The following PPP3CA variants were observed in gnomAD, a reference collection of about 807,000 sequenced individuals.
The protein encoded by PPP3CA is CAM-PRP catalytic subunit.
PPP3CA carries 14 observed loss-of-function variants against 66.5 expected under a neutral mutation model. The ratio of observed to expected loss-of-function variants is 0.21; its 90% CI spans 0.14 to 0.33. The LOEUF is 0.33. Among genes scored for constraint, PPP3CA ranks in the 10% least tolerant of loss-of-function variants. The pLI is 1.00. For synonymous variants in PPP3CA, 232 were observed against 226.2 expected (o/e 1.03, Z -0.23); for missense variants, 317 against 639.5 (o/e 0.50, Z 5.44).
At chr4:101,081,327 T>C (rs1289524154) in intron 7 of PPP3CA, among the ~76,000 whole-genome samples, 1 of 152,180 alleles carries the variant, frequency 6.6e-6, no homozygotes, top group Non-Finnish European at 1.5e-5. Context: ...CAATCTCTGC[T>C]GGTGTCTACA....
At chr4:101,188,792 T>C (rs540835711) in intron 2 of PPP3CA, among the ~76,000 whole-genome samples, 1 of 152,194 alleles carries the variant, frequency 6.6e-6, no homozygotes, top group Non-Finnish European at 1.5e-5. Flanking sequence ...AGGAGAAGAA[T>C]AGCTATCTGA....
intron 2 of PPP3CA, chr4:101,171,210 G>A (rs1412801559): frequency 2.2e-6 from 1 of 455,840 alleles, no homozygotes. Flanking sequence ...TGTGAATCGG[G>A]GTCATCTGTG....
At chr4:101,146,775 C>A (rs182344393) in intron 2 of PPP3CA, among the ~76,000 whole-genome samples, 1 of 152,216 alleles carries the variant, frequency 6.6e-6, no homozygotes, top group African/African-American at 2.4e-5. Flanking sequence ...TACTATCTAC[C>A]AGGCACTGTT....
At chr4:101,119,502 A>T (rs1465417366) in intron 2 of PPP3CA, among the ~76,000 whole-genome samples, 1 of 152,138 alleles carries the variant, frequency 6.6e-6, no homozygotes, top group Middle Eastern at 3.4e-3. Context: ...GGATTTTTTG[A>T]AAAAACAAAA....
intron 8 of PPP3CA, among the ~76,000 whole-genome samples, chr4:101,065,299 C>T (rs2110228069): frequency 6.6e-6 from 1 of 152,184 alleles, no homozygotes; most frequent in South Asian, 2.1e-4. Flanking sequence ...TTTACTATTT[C>T]AGAACACTGA....
intron 2 of PPP3CA, among the ~76,000 whole-genome samples, chr4:101,164,562 G>GT (rs36078367): frequency 0.28 from 39,145 of 142,012 alleles, 5,828 homozygotes; most frequent in African/African-American, 0.39. Context: ...TGGGATTTAA[G>GT]TTTTTTTTTT....
At chr4:101,301,165 C>T (rs1728363085) in intron 1 of PPP3CA, among the ~76,000 whole-genome samples, 1 of 151,800 alleles carries the variant, frequency 6.6e-6, no homozygotes, top group African/African-American at 2.4e-5. Flanking sequence ...TATAAAATGA[C>T]TCATTTATAT....
intron 2 of PPP3CA, among the ~76,000 whole-genome samples, chr4:101,110,160 G>A (rs1721622257): frequency 1.3e-5 from 2 of 152,152 alleles, no homozygotes; most frequent in African/African-American, 4.8e-5. Flanking sequence ...TGAACATGAT[G>A]TGGCTGCTTC....
chr4:101,118,509 T>G (rs1721919255), intron 2 of PPP3CA, among the ~76,000 whole-genome samples: 2 of 152,190 alleles, frequency 1.3e-5, no homozygotes, highest in Admixed American at 1.3e-4. Flanking sequence ...CTTCTTCTTC[T>G]TCTTCTTCAC....
intron 1 of PPP3CA, among the ~76,000 whole-genome samples, chr4:101,305,672 TGA>T (rs1728511776): frequency 6.6e-6 from 1 of 152,202 alleles, no homozygotes; most frequent in Non-Finnish European, 1.5e-5. Flanking sequence ...TTGAATTGAA[TGA>T]GAGTTATAAT....
chr4:101,077,672 T>C (rs1202307137), intron 8 of PPP3CA, among the ~76,000 whole-genome samples: 1 of 152,196 alleles, frequency 6.6e-6, no homozygotes, highest in Non-Finnish European at 1.5e-5. Context: ...TATCAGTTTA[T>C]CTTTTTCTCT....
At chr4:101,297,449 A>G (rs967762309) in intron 1 of PPP3CA, among the ~76,000 whole-genome samples, 2 of 152,222 alleles carry the variant, frequency 1.3e-5, no homozygotes, top group Non-Finnish European at 2.9e-5. Context: ...TGCTTAACCT[A>G]TCCAGTGTAA....
chr4:101,059,651 C>G (rs904587702), intron 10 of PPP3CA, among the ~76,000 whole-genome samples: 1 of 152,086 alleles, frequency 6.6e-6, no homozygotes, highest in Non-Finnish European at 1.5e-5. Flanking sequence ...GGACCACATT[C>G]TCTTTTCATT....
intron 1 of PPP3CA, among the ~76,000 whole-genome samples, chr4:101,316,525 A>G (rs1460452814): frequency 6.6e-6 from 1 of 152,208 alleles, no homozygotes. Context: ...TCCCAAGGTT[A>G]GAATACAGGG....
chr4:101,258,715 G>A (rs1726920026), intron 1 of PPP3CA, among the ~76,000 whole-genome samples: 2 of 151,932 alleles, frequency 1.3e-5, no homozygotes, highest in African/African-American at 4.8e-5. Flanking sequence ...GACTTCCTTT[G>A]CTAAAACTCA....
chr4:101,121,803 T>C (rs1015983426), intron 2 of PPP3CA, among the ~76,000 whole-genome samples: 2 of 151,980 alleles, frequency 1.3e-5, no homozygotes, highest in Non-Finnish European at 2.9e-5. Context: ...GAACATAGAG[T>C]ATGCTTGGGA....
intron 11 of PPP3CA, among the ~76,000 whole-genome samples, chr4:101,035,247 C>T (rs891004031): frequency 1.4e-4 from 22 of 151,894 alleles, no homozygotes; most frequent in African/African-American, 4.6e-4. Context: ...CCAGCCAGAG[C>T]GCAAGAGCGA....
chr4:101,298,657 A>C (rs1338834742), intron 1 of PPP3CA, among the ~76,000 whole-genome samples: 1 of 152,206 alleles, frequency 6.6e-6, no homozygotes, highest in Admixed American at 6.5e-5. Flanking sequence ...TTACTGTAAG[A>C]ATATGGTATA....
At position 101,346,826 on chromosome 4, in the gene PPP3CA, G is replaced by A. The variant is rs766253646; in HGVS notation, c.-30C>T. The A allele has an allele frequency of 4.4e-6, 7 of 1,603,564 alleles. No homozygotes were observed. Among genetic ancestry groups the A allele is most frequent in the Non-Finnish European group, 6.0e-6 (7 of 1,175,902 alleles). The stretch of plus-strand genomic sequence containing the variant: ...AGCTGCCGGAGGACAGCGACGCGCT[G>A]CTCGTCCGTCCGACTGCACACCCCG... On this transcript the variant is annotated 5_prime_UTR_variant, in exon 1 of 14. Coordinates refer to ENST00000394854, the MANE Select transcript of PPP3CA (RefSeq NM_000944.5).
Sources: gnomAD v4.1 joint callset for allele counts (sites outside exome capture counted in the v4.1 genomes callset) on GRCh38, gnomAD v4.1.1 for gene constraint, MANE v1.5 for transcripts, NCBI Gene and HGNC (gene_info 2026-07-23, HGNC 2026-07-21) for gene names.